Variants in OR9Q1 observed in about 807,000 individuals in gnomAD.
OR9Q1 encodes the protein olfactory receptor family 9 subfamily Q member 1.
For missense variants in OR9Q1, 374 were observed against 378.8 expected, an observed-to-expected ratio of 0.99 and a Z score of 0.11; for synonymous variants, 153 against 148.6, an observed-to-expected ratio of 1.03 and a Z score of -0.22.
At chr11:58,040,528 C>T (rs929729543) in intron 1 of OR9Q1, among the ~76,000 whole-genome samples, 1 of 152,208 alleles carries the variant, frequency 6.6e-6, no homozygotes, top group Non-Finnish European at 1.5e-5. Flanking sequence ...TGTCTCCTCA[C>T]TGTATGAGGT....
intron 1 of OR9Q1, among the ~76,000 whole-genome samples, chr11:58,035,775 G>GT (rs1853095026): frequency 6.6e-6 from 1 of 152,132 alleles, no homozygotes; most frequent in Non-Finnish European, 1.5e-5. Context: ...ATTGACTATT[G>GT]TATCAAGAAT....
chr11:58,166,439 G>A (rs1854505514), intron 2 of OR9Q1, among the ~76,000 whole-genome samples: 1 of 152,072 alleles, frequency 6.6e-6, no homozygotes, highest in Admixed American at 6.6e-5. Flanking sequence ...ATCATCTTCT[G>A]CAACTTGCCA....
At chr11:58,087,489 A>G (rs1249291227) in intron 2 of OR9Q1, among the ~76,000 whole-genome samples, 2 of 151,972 alleles carry the variant, frequency 1.3e-5, no homozygotes, top group Non-Finnish European at 2.9e-5. Context: ...CTTTCTCATC[A>G]TAGAGGTATT....
chr11:58,067,374 A>G (rs1302709221), intron 2 of OR9Q1, among the ~76,000 whole-genome samples: 1 of 152,070 alleles, frequency 6.6e-6, no homozygotes, highest in East Asian at 1.9e-4. Flanking sequence ...ATCTGCTGCG[A>G]ATTCTCGGAG....
rs570326451 is a variant in OR9Q1 at position 58,105,953 on chromosome 11, C to T, written c.-15+50006C>T. Among the ~76,000 whole-genome samples, 3 of 152,088 alleles carry T rather than the reference C, an allele frequency of 2.0e-5. No individual in the cohort carries two copies. The South Asian group carries it at 6.2e-4, about 32-fold the overall frequency. On this transcript the variant is annotated intron_variant, in intron 2 of 2. Coordinates refer to ENST00000335397, the MANE Select transcript of OR9Q1 (RefSeq NM_001005212.4). ...GGAGTGCAGATCTTTCTTCGAGATC[C>T]TAATTTAAACTCTTTTGGATATATG...
intron 1 of OR9Q1, among the ~76,000 whole-genome samples, chr11:58,049,663 G>A (rs1322480153): frequency 1.1e-5 from 1 of 87,126 alleles, no homozygotes; most frequent in Non-Finnish European, 2.1e-5. Flanking sequence ...AATTGTCCCT[G>A]TTTGCAGACG....
At chr11:58,143,268 A>G (rs1026758385) in intron 2 of OR9Q1, among the ~76,000 whole-genome samples, 7 of 152,320 alleles carry the variant, frequency 4.6e-5, no homozygotes, top group Middle Eastern at 3.4e-3. Flanking sequence ...TGGCATTGTA[A>G]TCCTCATTTA....
At chr11:58,034,763 C>CTTCCTTCCTTCCTTCCTTCT (rs1255994181) in intron 1 of OR9Q1, among the ~76,000 whole-genome samples, 1 of 132,154 alleles carries the variant, frequency 7.6e-6, no homozygotes, top group South Asian at 2.7e-4. Context: ...TCCTTCCTTC[C>CTTCCTTCCTTCCTTCCTTCT]TTCCTTCTTC....
At chr11:58,131,672 G>T (rs1272680853) in intron 2 of OR9Q1, among the ~76,000 whole-genome samples, 1 of 151,956 alleles carries the variant, frequency 6.6e-6, no homozygotes, top group Non-Finnish European at 1.5e-5. Context: ...CCAGCGTTAC[G>T]GCAAGATTGG....
intron 2 of OR9Q1, among the ~76,000 whole-genome samples, chr11:58,092,331 AT>A (rs34164951): frequency 0.93 from 139,192 of 150,062 alleles, 64,779 homozygotes; most frequent in South Asian, 0.97. Flanking sequence ...CTTAATTCTA[AT>A]TTTTTTTTTT....
chr11:58,114,366 C>G (rs942780305), intron 2 of OR9Q1, among the ~76,000 whole-genome samples: 2 of 152,224 alleles, frequency 1.3e-5, no homozygotes, highest in Non-Finnish European at 2.9e-5. Flanking sequence ...GAGAGACTCT[C>G]TCCTTTTCTC....
At chr11:58,154,056 A>G (rs1398867832) in intron 2 of OR9Q1, among the ~76,000 whole-genome samples, 1 of 151,848 alleles carries the variant, frequency 6.6e-6, no homozygotes, top group African/African-American at 2.4e-5. Flanking sequence ...CAATGGAGAG[A>G]GACAGAGAGG....
chr11:58,077,028 C>T (rs1853544297), intron 2 of OR9Q1, among the ~76,000 whole-genome samples: 1 of 152,098 alleles, frequency 6.6e-6, no homozygotes, highest in African/African-American at 2.4e-5. Context: ...AACAGTAGTT[C>T]TGGAAACATT....
chr11:58,164,522 AG>A (rs1158686363), intron 2 of OR9Q1, among the ~76,000 whole-genome samples: 1 of 152,206 alleles, frequency 6.6e-6, no homozygotes. Context: ...GAGATTCTTC[AG>A]GGAAAGGTGA....
chr11:58,095,364 T>C (rs1415100068), intron 2 of OR9Q1, among the ~76,000 whole-genome samples: 1 of 152,222 alleles, frequency 6.6e-6, no homozygotes, highest in Non-Finnish European at 1.5e-5. Context: ...AAATTAGCCC[T>C]CCCTAGATCC....
At chr11:58,057,416 T>C (rs911584544) in intron 2 of OR9Q1, among the ~76,000 whole-genome samples, 2 of 152,170 alleles carry the variant, frequency 1.3e-5, no homozygotes, top group Non-Finnish European at 2.9e-5. Flanking sequence ...TGTTCTTCTC[T>C]TGGTGTTGTT....
chr11:58,158,292 GT>G (rs573771444), intron 2 of OR9Q1, among the ~76,000 whole-genome samples: 2 of 152,124 alleles, frequency 1.3e-5, no homozygotes, highest in Non-Finnish European at 2.9e-5. Flanking sequence ...TGGTACTTGT[GT>G]TTTTTGGTTA....
intron 2 of OR9Q1, among the ~76,000 whole-genome samples, chr11:58,140,032 G>A (rs1032080455): frequency 6.6e-6 from 1 of 152,010 alleles, no homozygotes; most frequent in Non-Finnish European, 1.5e-5. Context: ...TTCTCTGATG[G>A]CCAATGATGA....
At chr11:58,158,297 T>C (rs2119916930) in intron 2 of OR9Q1, among the ~76,000 whole-genome samples, 1 of 152,344 alleles carries the variant, frequency 6.6e-6, no homozygotes, top group Non-Finnish European at 1.5e-5. Flanking sequence ...CTTGTGTTTT[T>C]TGGTTAAAAT....
Sources: allele counts gnomAD v4.1 joint callset (sites outside exome capture counted in the v4.1 genomes callset), GRCh38; gene constraint gnomAD v4.1.1; transcripts MANE v1.5; gene names NCBI Gene and HGNC (gene_info 2026-07-23, HGNC 2026-07-21).